The following RABGEF1 variants were observed in gnomAD, a reference collection of about 807,000 sequenced individuals.
RABGEF1 encodes rab5 GDP/GTP exchange factor.
In RABGEF1, 26 loss-of-function variants were observed where a neutral mutation model predicts 57.3. The observed-to-expected ratio is 0.45, with a 90% CI of 0.33 to 0.63. The LOEUF is 0.63. RABGEF1 is among the 20% of genes least tolerant of loss of function. RABGEF1 has a pLI of 0.02. For missense variants in RABGEF1, 464 were observed against 607.6 expected, an observed-to-expected ratio of 0.76 and a Z score of 2.48; for synonymous variants, 185 against 210.7, an observed-to-expected ratio of 0.88 and a Z score of 1.06.
intron 2 of RABGEF1, among the ~76,000 whole-genome samples, chr7:66,773,472 A>G (rs1479674380): frequency 1.3e-5 from 2 of 152,022 alleles, no homozygotes; most frequent in African/African-American, 4.8e-5. Context: ...TTTAATTGTG[A>G]CCCTGCTAAA....
chr7:66,779,659 G>A (rs1389970100), intron 3 of RABGEF1, among the ~76,000 whole-genome samples: 3 of 147,514 alleles, frequency 2.0e-5, no homozygotes, highest in South Asian at 2.1e-4. Context: ...GTGACAGAGC[G>A]AGACCCTGAT....
intron 4 of RABGEF1, among the ~76,000 whole-genome samples, chr7:66,788,347 AG>A (rs1811728610): frequency 6.6e-6 from 1 of 152,028 alleles, no homozygotes; most frequent in South Asian, 2.1e-4. Context: ...CGGGAGGCTG[AG>A]GGAGAAGAAT....
chr7:66,716,086 G>C (rs2707837), intron 2 of RABGEF1, among the ~76,000 whole-genome samples: 51,774 of 151,936 alleles, frequency 0.34, 9,213 homozygotes, highest in Middle Eastern at 0.5. Flanking sequence ...AGTTCTGTCA[G>C]TTTTGCTGTA....
intron 1 of RABGEF1, among the ~76,000 whole-genome samples, chr7:66,694,666 T>C (rs1355190032): frequency 1.3e-5 from 2 of 152,082 alleles, no homozygotes; most frequent in East Asian, 3.9e-4. Context: ...AGTGTGAGTT[T>C]AGGGTGAAGC....
the RABGEF1 span, chr7:66,669,645 A>G: frequency 1.3e-5 from 2 of 152,204 alleles, no homozygotes; most frequent in African/African-American, 4.8e-5. Context: ...GCATTATCTC[A>G]ATGAGGCCCA....
chr7:66,743,199 C>A (rs936238000), intron 1 of RABGEF1, among the ~76,000 whole-genome samples: 2 of 151,966 alleles, frequency 1.3e-5, no homozygotes, highest in Admixed American at 1.3e-4. Flanking sequence ...GCTAGCTACT[C>A]AGGAGGCTGA....
intron 3 of RABGEF1, among the ~76,000 whole-genome samples, chr7:66,781,212 C>G (rs906364859): frequency 2.0e-5 from 3 of 151,420 alleles, no homozygotes; most frequent in African/African-American, 7.3e-5. Flanking sequence ...ACTGGTTGTT[C>G]TGGGGTTTAC....
intron 1 of RABGEF1, among the ~76,000 whole-genome samples, chr7:66,690,300 C>T (rs1445886473): frequency 6.0e-5 from 9 of 150,884 alleles, no homozygotes; most frequent in Non-Finnish European, 1.3e-4. Flanking sequence ...GGGGTTTCAC[C>T]GTCTTGGCCA....
At chr7:66,704,738 G>A (rs1309002781) in intron 1 of RABGEF1, among the ~76,000 whole-genome samples, 3 of 152,020 alleles carry the variant, frequency 2.0e-5, no homozygotes, top group South Asian at 4.2e-4. Context: ...GTGAACCCAG[G>A]AGGCGGAGTT....
intron 1 of RABGEF1, among the ~76,000 whole-genome samples, chr7:66,758,105 G>T (rs980068839): frequency 1.3e-5 from 2 of 152,144 alleles, no homozygotes; most frequent in Admixed American, 1.3e-4. Context: ...CAGATGAGTT[G>T]CCTGGAGAGA....
the RABGEF1 span, among the ~76,000 whole-genome samples, chr7:66,675,237 C>G: frequency 6.6e-6 from 1 of 152,082 alleles, no homozygotes; most frequent in African/African-American, 2.4e-5. Flanking sequence ...CGAGACCAGC[C>G]TGGCCAAGAT....
intron 1 of RABGEF1, chr7:66,756,010 C>A (rs1445269879): frequency 2.8e-6 from 4 of 1,447,234 alleles, no homozygotes; most frequent in East Asian, 2.6e-5. Flanking sequence ...AGTTGGTGAA[C>A]CTTGGATTAC....
At chr7:66,752,404 G>GA (rs1801647589) in intron 1 of RABGEF1, among the ~76,000 whole-genome samples, 1 of 151,644 alleles carries the variant, frequency 6.6e-6, no homozygotes, top group East Asian at 1.9e-4. Flanking sequence ...TGAGGCAGGA[G>GA]AATCACTTGA....
At chr7:66,750,648 T>C (rs577639423) in intron 1 of RABGEF1, among the ~76,000 whole-genome samples, 5 of 152,228 alleles carry the variant, frequency 3.3e-5, no homozygotes, top group Non-Finnish European at 7.3e-5. Flanking sequence ...TATACACACA[T>C]ATAATGGTGC....
At chr7:66,797,635 G>A (rs1347022906) in intron 6 of RABGEF1, 129 bp downstream of exon 6, 1 of 1,013,390 alleles carries the variant, frequency 9.9e-7, no homozygotes. Context: ...CTTCCTTAGA[G>A]TGGAAGCAGC....
intron 1 of RABGEF1, among the ~76,000 whole-genome samples, chr7:66,767,978 G>A (rs62466858): frequency 0.039 from 6,011 of 152,222 alleles, 168 homozygotes; most frequent in East Asian, 0.085. Context: ...GTAGCATTCT[G>A]TTGTATGGGT....
chr7:66,701,915 A>G (rs1162382545), intron 1 of RABGEF1, among the ~76,000 whole-genome samples: 2 of 152,224 alleles, frequency 1.3e-5, no homozygotes, highest in Non-Finnish European at 2.9e-5. Context: ...TTAAGTATAC[A>G]TGACATAAAA....
At chr7:66,708,345 T>A (rs1794372484) in intron 1 of RABGEF1, among the ~76,000 whole-genome samples, 1 of 151,972 alleles carries the variant, frequency 6.6e-6, no homozygotes, top group African/African-American at 2.4e-5. Context: ...TGGAGTGCAG[T>A]GGCGCAATCT....
intron 7 of RABGEF1, among the ~76,000 whole-genome samples, chr7:66,802,233 T>A (rs2129183925): frequency 6.6e-6 from 1 of 152,306 alleles, no homozygotes; most frequent in South Asian, 2.1e-4. Context: ...GGAGTACTAC[T>A]AACACCTAGT....
Sources: allele counts gnomAD v4.1 joint callset (sites outside exome capture counted in the v4.1 genomes callset), GRCh38; gene constraint gnomAD v4.1.1; transcripts MANE v1.5; gene names NCBI Gene and HGNC (gene_info 2026-07-23, HGNC 2026-07-21).